RSU1: variants seen among roughly 807,000 people sequenced by gnomAD.
The protein encoded by RSU1 is Ras suppressor protein 1.
In RSU1, 26 loss-of-function variants were observed where a neutral mutation model predicts 31.1. That is an observed-to-expected ratio of 0.84 (90% CI 0.61 to 1.16). RSU1 has a LOEUF of 1.16. Among genes scored for constraint, RSU1 ranks in the 50% most tolerant of loss-of-function variants. The pLI, the probability that RSU1 is intolerant of heterozygous loss-of-function variation, is 0.00. For missense variants in RSU1, 320 were observed against 339.1 expected, an observed-to-expected ratio of 0.94 and a Z score of 0.44; for synonymous variants, 164 against 136.3, an observed-to-expected ratio of 1.20 and a Z score of -1.41.
intron 8 of RSU1, among the ~76,000 whole-genome samples, chr10:16,680,559 CAGA>C (rs1348776293): frequency 6.6e-6 from 1 of 151,950 alleles, no homozygotes; most frequent in Non-Finnish European, 1.5e-5. Flanking sequence ...ACAAACATGG[CAGA>C]AGATGAAGGG....
chr10:16,681,287 G>A (rs1485944574), intron 8 of RSU1, among the ~76,000 whole-genome samples: 3 of 152,148 alleles, frequency 2.0e-5, no homozygotes, highest in Non-Finnish European at 4.4e-5. Flanking sequence ...TTTGATGACT[G>A]TTAAGTCTCA....
intron 8 of RSU1, among the ~76,000 whole-genome samples, chr10:16,690,817 T>C (rs1021812599): frequency 3.3e-5 from 5 of 152,162 alleles, no homozygotes; most frequent in African/African-American, 1.2e-4. Context: ...GTTAACTGGT[T>C]AGAAAAAAGC....
chr10:16,747,448 C>A (rs1319496789), intron 7 of RSU1, among the ~76,000 whole-genome samples: 1 of 152,178 alleles, frequency 6.6e-6, no homozygotes, highest in South Asian at 2.1e-4. Context: ...CTAATCTACT[C>A]TTCCTAAAAT....
At chr10:16,786,723 G>A (rs912693242) in intron 2 of RSU1, among the ~76,000 whole-genome samples, 3 of 151,942 alleles carry the variant, frequency 2.0e-5, no homozygotes, top group Admixed American at 6.6e-5. Flanking sequence ...CTCCCTTCCC[G>A]TATTTGTAAT....
intron 8 of RSU1, among the ~76,000 whole-genome samples, chr10:16,687,874 C>A (rs1370269196): frequency 1.3e-5 from 2 of 152,094 alleles, no homozygotes; most frequent in Non-Finnish European, 1.5e-5. Context: ...CATGTGCCAC[C>A]ATGCCCGGCT....
chr10:16,697,910 C>T (rs1835712920), intron 7 of RSU1, among the ~76,000 whole-genome samples: 1 of 149,068 alleles, frequency 6.7e-6, no homozygotes, highest in Admixed American at 6.7e-5. Context: ...GTTGAAGAAG[C>T]GTCCAGGATT....
intron 8 of RSU1, among the ~76,000 whole-genome samples, chr10:16,682,966 T>C (rs4237342): frequency 0.72 from 109,102 of 151,954 alleles, 39,613 homozygotes; most frequent in African/African-American, 0.83. Context: ...GACAAAGAGG[T>C]GGTTTGTTAG....
At chr10:16,647,098 C>T (rs1172421009) in intron 8 of RSU1, among the ~76,000 whole-genome samples, 1 of 152,026 alleles carries the variant, frequency 6.6e-6, no homozygotes, top group Non-Finnish European at 1.5e-5. Flanking sequence ...CTGCCTCAGC[C>T]TCCTGAGTAG....
chr10:16,764,995 GA>G lies in RSU1; in HGVS notation c.161-486del, dbSNP rs541871019. On this transcript the variant is annotated intron_variant, in intron 3 of 8. Coordinates refer to ENST00000345264, the MANE Select transcript of RSU1 (RefSeq NM_012425.4). ...GTTTCAGATGGCTAATGGGGGGGGAGAAACAGAGCAAAAATGCACAAAAGAG... is the reference window on the plus strand; with the variant it reads ...GTTTCAGATGGCTAATGGGGGGGGAGAACAGAGCAAAAATGCACAAAAGAG... Among the ~76,000 whole-genome samples the G allele has an allele frequency of 1.9e-3, 269 of 140,638 alleles. 2 individuals are homozygous for G. The highest frequency in any genetic ancestry group is 8.1e-3 in the African/African-American group (250 of 31,006). The allele number at this position is 140,638 out of a possible 152,430, so 92.3% of individuals were successfully genotyped here.
At chr10:16,812,901 G>A (rs1407734156) in intron 2 of RSU1, among the ~76,000 whole-genome samples, 1 of 152,054 alleles carries the variant, frequency 6.6e-6, no homozygotes, top group Non-Finnish European at 1.5e-5. Flanking sequence ...GATGAAGACA[G>A]CTGCTGCTTG....
chr10:16,731,951 T>C (rs1836520245), intron 7 of RSU1, among the ~76,000 whole-genome samples: 2 of 152,202 alleles, frequency 1.3e-5, no homozygotes, highest in Non-Finnish European at 2.9e-5. Flanking sequence ...GTATATACAA[T>C]TTTTCCTAGA....
rs558777993 is a variant in RSU1 at position 16,717,387 on chromosome 10, C to A, written c.599-22232G>T. Among the ~76,000 whole-genome samples the A allele has an allele frequency of 1.6e-3, 240 of 152,242 alleles. 3 individuals are homozygous for A. Among genetic ancestry groups the A allele is most frequent in the African/African-American group, 5.6e-3 (232 of 41,550 alleles). On this transcript the variant is annotated intron_variant, in intron 7 of 8. Transcript: ENST00000345264. ...AAATTCCAGTGAATTCAAAATTCTT[C>A]ATGCTAAAAATAAACCAATCCAATA...
chr10:16,775,277 A>G (rs1169977841), intron 3 of RSU1, among the ~76,000 whole-genome samples: 1 of 152,174 alleles, frequency 6.6e-6, no homozygotes, highest in Admixed American at 6.5e-5. Flanking sequence ...CTTTTTCAGG[A>G]TCAGCCCCGC....
intron 8 of RSU1, among the ~76,000 whole-genome samples, chr10:16,594,594 T>C (rs1270045543): frequency 1.4e-5 from 2 of 146,328 alleles, no homozygotes; most frequent in African/African-American, 5.0e-5. Context: ...AAAATATATA[T>C]ATCATATATA....
chr10:16,689,191 T>C (rs1835496275), intron 8 of RSU1, among the ~76,000 whole-genome samples: 1 of 152,228 alleles, frequency 6.6e-6, no homozygotes, highest in African/African-American at 2.4e-5. Flanking sequence ...AGAAAGATCC[T>C]GGAAATTTAA....
intron 6 of RSU1, 83 bp from the exon 7 acceptor site, chr10:16,752,736 T>C (rs1837004699): frequency 8.9e-7 from 1 of 1,120,572 alleles, no homozygotes; most frequent in Admixed American, 1.8e-5. Flanking sequence ...TGTCCTCTCT[T>C]CTACTAAAGC....
chr10:16,806,716 C>A (rs1838276639), intron 2 of RSU1, among the ~76,000 whole-genome samples: 1 of 152,138 alleles, frequency 6.6e-6, no homozygotes, highest in South Asian at 2.1e-4. Flanking sequence ...ACATAGGCAT[C>A]TTTGACACGC....
rs982774352 is a variant in RSU1 at position 16,752,737 on chromosome 10, C to CT, written c.484-85dup. On this transcript the variant is annotated intron_variant, in intron 6 of 8. Coordinates refer to ENST00000345264, the MANE Select transcript of RSU1 (RefSeq NM_012425.4). Reference sequence around the variant, plus strand: ...ACTCTCATCCTCTATGTCCTCTCTTCTACTAAAGCTCAATCCTTTCCATGT... The same window carrying CT: ...ACTCTCATCCTCTATGTCCTCTCTTCTTACTAAAGCTCAATCCTTTCCATGT... 7.2e-6 allele frequency: 8 copies of CT among 1,106,718 alleles called. No individual in the cohort carries two copies. In the African/African-American group the frequency reaches 1.2e-4, roughly 17 times the overall value. The allele number at this position is 1,106,718 out of a possible 1,614,324, so 68.6% of individuals were successfully genotyped here. A position where few individuals can be genotyped will look rare whatever the true frequency, so the allele number is the denominator to read the frequency against.
chr10:16,631,280 G>A (rs1406800111), intron 8 of RSU1, among the ~76,000 whole-genome samples: 1 of 152,200 alleles, frequency 6.6e-6, no homozygotes, highest in Non-Finnish European at 1.5e-5. Flanking sequence ...TGTCTCCAGA[G>A]GGAAGAATTC....
Sources: gnomAD v4.1 joint callset for allele counts (sites outside exome capture counted in the v4.1 genomes callset) on GRCh38, gnomAD v4.1.1 for gene constraint, MANE v1.5 for transcripts, NCBI Gene and HGNC (gene_info 2026-07-23, HGNC 2026-07-21) for gene names.